SMYD3: variants seen among roughly 807,000 people sequenced by gnomAD.
SMYD3 encodes the protein histone-lysine N-methyltransferase SMYD3.
Under a neutral mutation model 57.7 loss-of-function variants are expected in SMYD3, and 36 were observed. The ratio of observed to expected loss-of-function variants is 0.62; its 90% CI spans 0.48 to 0.82. SMYD3 has a LOEUF of 0.82. SMYD3 is among the 40% of genes least tolerant of loss of function. SMYD3 has a pLI of 0.00. For missense variants in SMYD3, 515 were observed against 538.8 expected, an observed-to-expected ratio of 0.96 and a Z score of 0.44; for synonymous variants, 211 against 195.0, an observed-to-expected ratio of 1.08 and a Z score of -0.68.
intron 1 of SMYD3, among the ~76,000 whole-genome samples, chr1:246,474,533 A>G (rs2068003390): frequency 6.6e-6 from 1 of 151,848 alleles, no homozygotes; most frequent in Admixed American, 6.6e-5. Flanking sequence ...AAAAAAAAAA[A>G]AAAAAAAAGA....
At chr1:246,254,868 G>A (rs2063856250) in intron 5 of SMYD3, among the ~76,000 whole-genome samples, 2 of 152,082 alleles carry the variant, frequency 1.3e-5, no homozygotes, top group South Asian at 4.1e-4. Flanking sequence ...TGTATTCCTA[G>A]GTGTTGTGCA....
intron 5 of SMYD3, among the ~76,000 whole-genome samples, chr1:246,022,030 C>T (rs1452177261): frequency 6.6e-6 from 1 of 152,222 alleles, no homozygotes; most frequent in Non-Finnish European, 1.5e-5. Context: ...ACATCCACAG[C>T]AACTAAGAGT....
intron 1 of SMYD3, among the ~76,000 whole-genome samples, chr1:246,362,697 G>A (rs1017324762): frequency 1.3e-5 from 2 of 152,270 alleles, no homozygotes; most frequent in East Asian, 1.9e-4. Context: ...TCCTAACCGC[G>A]AGTGATCCGC....
At chr1:246,086,647 G>A (rs59896007) in intron 5 of SMYD3, among the ~76,000 whole-genome samples, 5,205 of 152,028 alleles carry the variant, frequency 0.034, 300 homozygotes, top group African/African-American at 0.12. Flanking sequence ...CTCAGAGAGA[G>A]AGAAGGGAAA....
At chr1:246,414,948 C>T (rs149435418) in intron 1 of SMYD3, among the ~76,000 whole-genome samples, 11,342 of 152,118 alleles carry the variant, frequency 0.075, 482 homozygotes, top group Middle Eastern at 0.2. Context: ...AACTCCTGAC[C>T]TCAGGTGATC....
At chr1:245,807,572 C>T (rs894106057) in intron 10 of SMYD3, among the ~76,000 whole-genome samples, 12 of 152,238 alleles carry the variant, frequency 7.9e-5, no homozygotes, top group South Asian at 4.2e-4. Flanking sequence ...TGAGAGCAAT[C>T]GCAGCCAACT....
At chr1:246,144,106 T>C (rs1293622305) in intron 5 of SMYD3, among the ~76,000 whole-genome samples, 3 of 152,176 alleles carry the variant, frequency 2.0e-5, no homozygotes, top group African/African-American at 7.2e-5. Context: ...TCTCCTCACC[T>C]GGACGGACAG....
chr1:245,965,968 G>A (rs1157490005), intron 5 of SMYD3, among the ~76,000 whole-genome samples: 1 of 152,180 alleles, frequency 6.6e-6, no homozygotes, highest in African/African-American at 2.4e-5. Context: ...ATGGGAGATA[G>A]GGGTGGGGCA....
chr1:246,031,400 G>T (rs745491952), intron 5 of SMYD3, among the ~76,000 whole-genome samples: 8 of 152,040 alleles, frequency 5.3e-5, no homozygotes, highest in Non-Finnish European at 1.0e-4. Context: ...TATTACAATA[G>T]AAATAACATT....
rs1044689507 is a variant in SMYD3 at position 246,111,013 on chromosome 1, G to A, written c.532-181076C>T. ...ATAAGATAACTCACCAAATCCTTGC[G>A]CAAAGAGAAACAAATATAAACTACA... On this transcript the variant is annotated intron_variant, in intron 5 of 11. Transcript: ENST00000490107. Among the ~76,000 whole-genome samples the A allele has an allele frequency of 4.6e-5, 7 of 151,966 alleles. No homozygotes were observed. In the East Asian group the frequency reaches 7.7e-4, roughly 17 times the overall value.
At chr1:246,049,335 C>CA (rs2060023703) in intron 5 of SMYD3, among the ~76,000 whole-genome samples, 3 of 152,144 alleles carry the variant, frequency 2.0e-5, no homozygotes, top group African/African-American at 7.2e-5. Flanking sequence ...CTCGCTCTGT[C>CA]GCCCAGGCTG....
chr1:245,940,565 AAAAAC>A (rs58286168), intron 5 of SMYD3, among the ~76,000 whole-genome samples: 7 of 149,120 alleles, frequency 4.7e-5, no homozygotes, highest in South Asian at 2.2e-4. Flanking sequence ...TGACTGTTAA[AAAAAC>A]AAAACAAAAC....
intron 5 of SMYD3, among the ~76,000 whole-genome samples, chr1:245,973,797 A>G (rs1484270503): frequency 6.6e-6 from 1 of 152,158 alleles, no homozygotes; most frequent in Non-Finnish European, 1.5e-5. Context: ...TACCTATATG[A>G]GTACTTTTTT....
intron 1 of SMYD3, among the ~76,000 whole-genome samples, chr1:246,435,302 G>T (rs1025552411): frequency 3.9e-5 from 6 of 152,042 alleles, no homozygotes; most frequent in African/African-American, 1.5e-4. Flanking sequence ...TGTATTCCTT[G>T]AATCTAAAAT....
intron 11 of SMYD3, among the ~76,000 whole-genome samples, chr1:245,755,551 T>G (rs1490631196): frequency 6.6e-6 from 1 of 152,234 alleles, no homozygotes; most frequent in African/African-American, 2.4e-5. Flanking sequence ...TTGTTTCTCA[T>G]GTTTTGCAAC....
At chr1:246,242,423 A>T (rs1301962488) in intron 5 of SMYD3, among the ~76,000 whole-genome samples, 1 of 152,132 alleles carries the variant, frequency 6.6e-6, no homozygotes, top group Admixed American at 6.6e-5. Flanking sequence ...CTTAATCCTG[A>T]GTTCTAATTT....
At chr1:246,378,691 A>T (rs2066321103) in intron 1 of SMYD3, among the ~76,000 whole-genome samples, 1 of 127,980 alleles carries the variant, frequency 7.8e-6, no homozygotes, top group Admixed American at 9.4e-5. Context: ...ATATATACTT[A>T]ATAAACTCCC....
intron 5 of SMYD3, among the ~76,000 whole-genome samples, chr1:246,159,030 G>T (rs541103558): frequency 6.6e-6 from 1 of 152,078 alleles, no homozygotes; most frequent in African/African-American, 2.4e-5. Flanking sequence ...CACCACGAGC[G>T]TGTGGAAGAA....
At chr1:246,382,104 C>G in intron 1 of SMYD3, among the ~76,000 whole-genome samples, 1 of 132,472 alleles carries the variant, frequency 7.5e-6, no homozygotes, top group Admixed American at 7.4e-5. Flanking sequence ...CAGACCCCTC[C>G]AGCTGACACC....
Sources: allele counts gnomAD v4.1 joint callset (sites outside exome capture counted in the v4.1 genomes callset), GRCh38; gene constraint gnomAD v4.1.1; transcripts MANE v1.5; gene names NCBI Gene and HGNC (gene_info 2026-07-23, HGNC 2026-07-21).